CABCOCO1: variants seen among roughly 807,000 people sequenced by gnomAD.
CABCOCO1 encodes ciliary-associated calcium-binding coiled-coil protein 1.
CABCOCO1 carries 28 observed loss-of-function variants against 35.7 expected under a neutral mutation model. The ratio of observed to expected loss-of-function variants is 0.78; its 90% CI spans 0.58 to 1.07. The LOEUF (loss-of-function observed/expected upper bound fraction) is 1.07. Among genes scored for constraint, CABCOCO1 ranks in the 50% least tolerant of loss-of-function variants. The pLI, the probability that CABCOCO1 is intolerant of heterozygous loss-of-function variation, is 0.00. For synonymous variants in CABCOCO1, 95 were observed against 100.1 expected (o/e 0.95, Z 0.30); for missense variants, 326 against 309.2 (o/e 1.05, Z -0.41).
chr10:61,682,885 A>ACTTCTTTTT (rs1839838326), intron 3 of CABCOCO1, among the ~76,000 whole-genome samples: 1 of 43,626 alleles, frequency 2.3e-5, no homozygotes, highest in Non-Finnish European at 5.8e-5. Flanking sequence ...TTTCACATGA[A>ACTTCTTTTT]TTTCTTTTTT....
intron 5 of CABCOCO1, among the ~76,000 whole-genome samples, chr10:61,755,916 A>G (rs1841888185): frequency 6.6e-6 from 1 of 152,034 alleles, no homozygotes; most frequent in South Asian, 2.1e-4. Flanking sequence ...TAATTCCTAT[A>G]AGCATGTTTT....
At chr10:61,736,472 G>C (rs1463963589) in intron 5 of CABCOCO1, among the ~76,000 whole-genome samples, 3 of 152,058 alleles carry the variant, frequency 2.0e-5, no homozygotes, top group Middle Eastern at 3.4e-3. Context: ...CTTATTTCTG[G>C]GCTCCCTATT....
chr10:61,707,989 C>T (rs182878524), intron 5 of CABCOCO1, among the ~76,000 whole-genome samples: 3 of 152,068 alleles, frequency 2.0e-5, no homozygotes, highest in African/African-American at 7.2e-5. Flanking sequence ...TAATATCTGT[C>T]TCCCATTGTT....
intron 1 of CABCOCO1, among the ~76,000 whole-genome samples, chr10:61,663,874 TA>T: frequency 6.6e-6 from 1 of 152,230 alleles, no homozygotes; most frequent in Middle Eastern, 3.4e-3. Flanking sequence ...CGATTGTTCC[TA>T]GGAAGTTTTT....
At chr10:61,704,805 ATT>A (rs34865303) in intron 5 of CABCOCO1, among the ~76,000 whole-genome samples, 3 of 135,038 alleles carry the variant, frequency 2.2e-5, no homozygotes, top group Non-Finnish European at 4.8e-5. Context: ...TGCTTACTCC[ATT>A]TTTTTTTTTT....
In CABCOCO1 at chr10:61,681,247, A is replaced by C. The variant is rs769982964; in HGVS notation, c.269A>C (p.Asp90Ala). The change falls in exon 3 of 8, where the codon GAT becomes GCT. Residue 90 changes from aspartate (D) to alanine (A), a missense_variant. Physicochemically the swap from Asp to Ala is moderately radical, Grantham distance 126 (BLOSUM62 -2). Transcript: ENST00000648843. The stretch of plus-strand genomic sequence containing the variant: ...GGATTTTTGTGGGCTAGAGGAATGG[A>C]TTTCTCTATTATTCAGTATTCAAAA... Reference protein sequence around the residue: ...VSGFLWARGMDFSIIQYSKFM... With the variant: ...VSGFLWARGMAFSIIQYSKFM... 6 of 1,572,928 alleles carry C rather than the reference A, an allele frequency of 3.8e-6. No individual in the cohort carries two copies. In the South Asian group the frequency reaches 6.9e-5, roughly 18 times the overall value.
rs543769612 is a variant in CABCOCO1, at chr10:61,665,731, C to G, written c.60+2699C>G. 2.0e-5 allele frequency among the ~76,000 whole-genome samples: 3 copies of G among 151,590 alleles called. No homozygotes were observed. The East Asian group carries it at 5.8e-4, about 29-fold the overall frequency. On this transcript the variant is annotated intron_variant, in intron 1 of 7. Transcript: ENST00000648843. ...TGAAACCCCGTCTTTACTAAAAATA[C>G]AAAAAATTAGCCGGGCGTGGTAGCG...
intron 5 of CABCOCO1, among the ~76,000 whole-genome samples, chr10:61,756,721 C>T (rs1289943521): frequency 6.6e-6 from 1 of 152,016 alleles, no homozygotes; most frequent in Non-Finnish European, 1.5e-5. Flanking sequence ...GGCAACTCAC[C>T]TAAAGGCCTT....
At chr10:61,703,593 T>C (rs1484181119) in intron 5 of CABCOCO1, among the ~76,000 whole-genome samples, 1 of 152,178 alleles carries the variant, frequency 6.6e-6, no homozygotes, top group Non-Finnish European at 1.5e-5. Context: ...TAGACCATGC[T>C]GAATCCTCCC....
At chr10:61,667,120 AT>A (rs984789114) in intron 1 of CABCOCO1, among the ~76,000 whole-genome samples, 3 of 143,390 alleles carry the variant, frequency 2.1e-5, no homozygotes, top group Admixed American at 7.1e-5. Flanking sequence ...ATAATTATAT[AT>A]TATATATACA....
chr10:61,693,620 C>A (rs187390537), intron 5 of CABCOCO1, among the ~76,000 whole-genome samples: 1 of 152,024 alleles, frequency 6.6e-6, no homozygotes, highest in Non-Finnish European at 1.5e-5. Context: ...TGGCTCCTGA[C>A]ATCACAAAAA....
chr10:61,751,778 C>G (rs1050153307), intron 5 of CABCOCO1, among the ~76,000 whole-genome samples: 1 of 152,126 alleles, frequency 6.6e-6, no homozygotes, highest in Non-Finnish European at 1.5e-5. Flanking sequence ...GTCCAACTCC[C>G]TAATTTTACA....
chr10:61,711,012 AAATACAAAAGTACTC>A (rs1444565261), intron 5 of CABCOCO1, among the ~76,000 whole-genome samples: 2 of 151,986 alleles, frequency 1.3e-5, no homozygotes, highest in Non-Finnish European at 2.9e-5. Context: ...GGATAACATT[AAATACAAAAGTACTC>A]AATACAAAAG....
At chr10:61,750,870 TAA>T in intron 5 of CABCOCO1, among the ~76,000 whole-genome samples, 1 of 152,202 alleles carries the variant, frequency 6.6e-6, no homozygotes, top group Non-Finnish European at 1.5e-5. Context: ...CCCCCGTGTA[TAA>T]AGGCCTGAGC....
chr10:61,716,008 G>A (rs1298475150), intron 5 of CABCOCO1, among the ~76,000 whole-genome samples: 4 of 151,640 alleles, frequency 2.6e-5, no homozygotes, highest in Non-Finnish European at 5.9e-5. Context: ...CTTTTCCTGA[G>A]GAGTATCTCT....
chr10:61,752,654 A>G (rs150526529), intron 5 of CABCOCO1, among the ~76,000 whole-genome samples: 3 of 152,256 alleles, frequency 2.0e-5, no homozygotes, highest in Admixed American at 6.5e-5. Flanking sequence ...TGTTTTTTAA[A>G]TCTATATTTG....
intron 3 of CABCOCO1, among the ~76,000 whole-genome samples, chr10:61,684,449 G>T (rs900320935): frequency 3.3e-5 from 5 of 152,160 alleles, no homozygotes; most frequent in African/African-American, 4.8e-5. Flanking sequence ...GGAAAGAGTA[G>T]CTGTGTAATC....
chr10:61,734,620 C>A (rs1435477737), intron 5 of CABCOCO1, among the ~76,000 whole-genome samples: 2 of 152,008 alleles, frequency 1.3e-5, no homozygotes, highest in African/African-American at 4.8e-5. Context: ...TCACATAAAT[C>A]TTTTTAAATC....
intron 5 of CABCOCO1, among the ~76,000 whole-genome samples, chr10:61,745,298 G>A (rs1841631968): frequency 6.6e-6 from 1 of 152,124 alleles, no homozygotes; most frequent in Non-Finnish European, 1.5e-5. Flanking sequence ...ATTTTGACAT[G>A]TTTTTATATT....
Sources: gnomAD v4.1 joint callset for allele counts (sites outside exome capture counted in the v4.1 genomes callset) on GRCh38, gnomAD v4.1.1 for gene constraint, MANE v1.5 for transcripts, NCBI Gene and HGNC (gene_info 2026-07-23, HGNC 2026-07-21) for gene names.